Variants in ATP13A3 observed in about 807,000 individuals in gnomAD.
ATP13A3 encodes ATPase 13A3, also known as polyamine-transporting ATPase 13A3.
Under a neutral mutation model 158.1 loss-of-function variants are expected in ATP13A3, and 59 were observed. The observed-to-expected ratio is 0.37, with a 90% CI of 0.30 to 0.46. ATP13A3 has a LOEUF of 0.46. Ranked by LOEUF, ATP13A3 falls within the 20% of genes least tolerant of loss-of-function variation. The probability of loss-of-function intolerance (pLI) is 1.00; values close to 1 mark genes in which losing one functional copy is unlikely to be tolerated. For synonymous variants in ATP13A3, 491 were observed against 504.3 expected, an observed-to-expected ratio of 0.97 and a Z score of 0.35; for missense variants, 1,166 against 1,525.2, an observed-to-expected ratio of 0.76 and a Z score of 3.92.
Position 194,412,391 on chromosome 3 carries a change from G to A in ATP13A3, c.3484-103C>T, listed in dbSNP as rs2108730530. On this transcript the variant is annotated intron_variant, in intron 32 of 33. Coordinates refer to ENST00000645319, the MANE Select transcript of ATP13A3 (RefSeq NM_001367549.1). ...ACACATGCTGCATAATTGATGAAAA[G>A]GATATTTTGATTTTCATATATGGAA... is the stretch of plus-strand genomic sequence containing the variant. 4.6e-6 allele frequency: 4 copies of A among 877,014 alleles called. No homozygotes were observed. In the South Asian group the frequency reaches 6.2e-5, roughly 14 times the overall value. The allele number at this position is 877,014 out of a possible 1,614,324, so 54.3% of individuals were successfully genotyped here.
rs555831126 is a variant in ATP13A3 at position 194,483,459 on chromosome 3, G to A, written c.-47+2335C>T. ...AAAAAAACTAGCTGGGTGTGATGGTGCACACCTGTGGTCCCAGCTACTCTG... is the reference window on the plus strand; with the variant it reads ...AAAAAAACTAGCTGGGTGTGATGGTACACACCTGTGGTCCCAGCTACTCTG... On this transcript the variant is annotated intron_variant, in intron 2 of 33. Coordinates refer to ENST00000645319, the MANE Select transcript of ATP13A3 (RefSeq NM_001367549.1). Among the ~76,000 whole-genome samples the A allele has an allele frequency of 7.2e-4, 108 of 150,658 alleles. 2 individuals are homozygous for A. Among genetic ancestry groups the A allele is most frequent in the South Asian group, 3.0e-3 (14 of 4,732 alleles).
chr3:194,458,571 A>T (rs1390425402), intron 6 of ATP13A3, among the ~76,000 whole-genome samples: 1 of 152,028 alleles, frequency 6.6e-6, no homozygotes, highest in Non-Finnish European at 1.5e-5. Flanking sequence ...TATTTTTAGT[A>T]GGGACGGGGT....
At chr3:194,433,539 G>T (rs578197409) in intron 21 of ATP13A3, among the ~76,000 whole-genome samples, 1 of 152,252 alleles carries the variant, frequency 6.6e-6, no homozygotes, top group East Asian at 1.9e-4. Context: ...CACCGCGCCC[G>T]GCCGTACTTT....
intron 31 of ATP13A3, among the ~76,000 whole-genome samples, chr3:194,417,593 A>T (rs140036589): frequency 6.6e-6 from 1 of 152,222 alleles, no homozygotes; most frequent in Non-Finnish European, 1.5e-5. Context: ...GCACAAATAA[A>T]GAGAACTAAA....
At position 194,448,797 on chromosome 3, in the gene ATP13A3, C is replaced by T. The variant is rs1252758761; in HGVS notation, c.971-161G>A. Among the ~76,000 whole-genome samples the T allele has an allele frequency of 6.6e-6, 1 of 152,246 alleles. No homozygotes were observed. The highest frequency in any genetic ancestry group is 1.9e-4 in the East Asian group (1 of 5,190). On this transcript the variant is annotated intron_variant, in intron 11 of 33. Transcript: ENST00000645319. The surrounding 1 kb of genome is among the most constrained non-coding windows in gnomAD (Gnocchi z 4.0). Reference sequence around the variant, plus strand: ...AGAGTTGTATATGTGGACAACATGGCTTAATTTTTTGTCTACCAATTTCCT... The same window carrying T: ...AGAGTTGTATATGTGGACAACATGGTTTAATTTTTTGTCTACCAATTTCCT...
At chr3:194,415,861 A>G (rs1375684460) in intron 31 of ATP13A3, among the ~76,000 whole-genome samples, 3 of 152,014 alleles carry the variant, frequency 2.0e-5, no homozygotes, top group Non-Finnish European at 4.4e-5. Context: ...ACAAATTACT[A>G]AAAAGTCCCT....
intron 3 of ATP13A3, among the ~76,000 whole-genome samples, 158 bp downstream of exon 3, chr3:194,461,982 T>G (rs756872216): frequency 3.3e-5 from 5 of 152,200 alleles, no homozygotes; most frequent in Non-Finnish European, 7.3e-5. Context: ...AATAGACATA[T>G]TACACAATCC....
chr3:194,434,341 C>G (rs1024623469), intron 20 of ATP13A3, among the ~76,000 whole-genome samples: 1 of 152,172 alleles, frequency 6.6e-6, no homozygotes, highest in Admixed American at 6.5e-5. Context: ...GACACAAGAA[C>G]CATTAGCAAT....
In ATP13A3 at chr3:194,462,050, G is replaced by A. The variant is rs1253126805; in HGVS notation, c.51+90C>T. On this transcript the variant is annotated intron_variant, in intron 3 of 33. Transcript: ENST00000645319. ...CATTGAGTTAGCTGCTGCCGCCACT[G>A]TTGTTAATTGCATTTTTCTAGTCCC... 1.5e-5 allele frequency: 19 copies of A among 1,283,446 alleles called. No individual in the cohort carries two copies. The East Asian group carries it at 3.8e-4, about 26-fold the overall frequency. The allele number at this position is 1,283,446 out of a possible 1,614,324, so 79.5% of individuals were successfully genotyped here. A position where few individuals can be genotyped will look rare whatever the true frequency, so the allele number is the denominator to read the frequency against.
chr3:194,467,879 C>T (rs1720087248), intron 2 of ATP13A3: 1 of 152,130 alleles, frequency 6.6e-6, no homozygotes, highest in Non-Finnish European at 1.5e-5. Context: ...AAACCCATTA[C>T]TTACAGAAAT....
At chr3:194,433,399 G>A (rs557888751) in intron 21 of ATP13A3, among the ~76,000 whole-genome samples, 245 of 151,916 alleles carry the variant, frequency 1.6e-3, no homozygotes, top group Non-Finnish European at 1.8e-3. Context: ...ACCCGCCACC[G>A]CTCCCGGCTA....
At chr3:194,420,148 C>G (rs1419133769) in intron 30 of ATP13A3, 181 bp from the exon 31 acceptor site, 1 of 489,018 alleles carries the variant, frequency 2.0e-6, no homozygotes, top group Non-Finnish European at 3.1e-6. Context: ...TCGGGGCACC[C>G]AAAAGATTCA....
intron 31 of ATP13A3, among the ~76,000 whole-genome samples, chr3:194,416,874 T>C (rs970686168): frequency 6.6e-6 from 1 of 152,084 alleles, no homozygotes; most frequent in Admixed American, 6.5e-5. Context: ...TTCAACAACA[T>C]AAAAAATTAG....
chr3:194,408,180 C>T (rs1050466727), intron 33 of ATP13A3, among the ~76,000 whole-genome samples: 6 of 151,964 alleles, frequency 3.9e-5, no homozygotes, highest in Admixed American at 6.6e-5. Flanking sequence ...CCACCACGCC[C>T]GGCTAATTTT....
chr3:194,476,650 G>A (rs1720535226), intron 2 of ATP13A3, among the ~76,000 whole-genome samples: 1 of 152,084 alleles, frequency 6.6e-6, no homozygotes, highest in Non-Finnish European at 1.5e-5. Context: ...CCTCATTCAA[G>A]TCTGTATGCA....
Position 194,402,736 on chromosome 3 carries a change from A to AT in ATP13A3, c.*3182dup, listed in dbSNP as rs550362648. 3.9e-5 allele frequency: 6 copies of AT among 152,314 alleles called. No individual in the cohort carries two copies. In the South Asian group the frequency reaches 1.2e-3, roughly 32 times the overall value. 9.4% of individuals were successfully genotyped at this position (152,314 alleles called of 1,614,324 possible). ...CAATCAAAAAAGGTTTCATAAGATT[A>AT]TTTACAATGCTGAATGTACAATTAT... On this transcript the variant is annotated 3_prime_UTR_variant, in exon 34 of 34. Coordinates refer to ENST00000645319, the MANE Select transcript of ATP13A3 (RefSeq NM_001367549.1).
chr3:194,437,517 A>G, intron 18 of ATP13A3, 39 bp downstream of exon 18: 1 of 1,612,898 alleles, frequency 6.2e-7, no homozygotes, highest in East Asian at 2.2e-5. Flanking sequence ...AAGAATCAAA[A>G]CAAATATACT....
rs1257248702 is a variant in ATP13A3 at position 194,404,311 on chromosome 3, A to G, written c.*1608T>C. Reference sequence around the variant, plus strand: ...AATCATCAGTGGCAATAGCAGTAACAGTGATCCTGAGTGTAATTTCTATTT... The same window carrying G: ...AATCATCAGTGGCAATAGCAGTAACGGTGATCCTGAGTGTAATTTCTATTT... On this transcript the variant is annotated 3_prime_UTR_variant, in exon 34 of 34. Coordinates refer to ENST00000645319, the MANE Select transcript of ATP13A3 (RefSeq NM_001367549.1). 1 of 278,148 alleles carries G rather than the reference A, an allele frequency of 3.6e-6. No homozygotes were observed. The highest frequency in any genetic ancestry group is 7.0e-6 in the Non-Finnish European group (1 of 142,584). 17.2% of individuals were successfully genotyped at this position (278,148 alleles called of 1,614,324 possible).
intron 10 of ATP13A3, chr3:194,451,264 T>C (rs1370634682): frequency 3.3e-5 from 5 of 152,190 alleles, no homozygotes; most frequent in Admixed American, 6.5e-5. Context: ...GTTTTAAAAA[T>C]AAGATCCCTT....
Sources: allele counts gnomAD v4.1 joint callset (sites outside exome capture counted in the v4.1 genomes callset), GRCh38; gene constraint gnomAD v4.1.1; non-coding constraint Gnocchi (gnomAD v3.1); transcripts MANE v1.5; gene names NCBI Gene and HGNC (gene_info 2026-07-23, HGNC 2026-07-21).